SOX30: variants seen among roughly 807,000 people sequenced by gnomAD.
SOX30 encodes SRY-box transcription factor 30.
Under a neutral mutation model 58.6 loss-of-function variants are expected in SOX30, and 17 were observed. The ratio of observed to expected loss-of-function variants is 0.29; its 90% CI spans 0.20 to 0.44. The LOEUF is 0.44. Among genes scored for constraint, SOX30 ranks in the 20% least tolerant of loss-of-function variants. The pLI is 1.00. For missense variants in SOX30, 951 were observed against 965.8 expected (o/e 0.98, Z 0.20); for synonymous variants, 421 against 400.2 (o/e 1.05, Z -0.62).
At position 157,628,365 on chromosome 5, in the gene SOX30, T is replaced by TCACACACA. The variant is rs70984476; in HGVS notation, c.1881-1652_1881-1645dup. 3.5e-3 allele frequency among the ~76,000 whole-genome samples: 495 copies of TCACACACA among 139,704 alleles called. 2 individuals are homozygous for TCACACACA. Among genetic ancestry groups the TCACACACA allele is most frequent in the African/African-American group, 8.0e-3 (306 of 38,200 alleles). 91.7% of individuals were successfully genotyped at this position (139,704 alleles called of 152,430 possible). A position where few individuals can be genotyped will look rare whatever the true frequency, so the allele number is the denominator to read the frequency against. ...AAGTTAAGTGTTTCATTTCTGGCCT[T>TCACACACA]CACACACACACACACACACACACAC... is the stretch of plus-strand genomic sequence containing the variant. On this transcript the variant is annotated intron_variant, in intron 4 of 4. Coordinates refer to ENST00000265007, the MANE Select transcript of SOX30 (RefSeq NM_178424.2).
At position 157,651,512 on chromosome 5, in the gene SOX30, C is replaced by T. The variant is rs200766950; in HGVS notation, c.567G>A (p.Glu189=). 92 of 1,613,428 alleles carry T rather than the reference C, an allele frequency of 5.7e-5. No homozygotes were observed. Among genetic ancestry groups the T allele is most frequent in the Non-Finnish European group, 7.5e-5 (88 of 1,180,024 alleles). The part of the protein sequence containing the change: ...RGDEKGKLEA[E]EVMRDSMQGG... ...CTTGCATCGAGTCTCTCATGACCTC[C>T]TCCGCCTCCAGCTTGCCCTTCTCGT... Residue 189 remains glutamate (E), a synonymous_variant, in exon 1 of 5, where the codon GAG becomes GAA. Transcript: ENST00000265007.
At position 157,626,460 on chromosome 5, in the gene SOX30, C is replaced by T. The variant is rs1230385078; in HGVS notation, c.2142G>A (p.Leu714=). The T allele has an allele frequency of 1.9e-6, 3 of 1,614,174 alleles. No individual in the cohort carries two copies. The highest frequency in any genetic ancestry group is 2.2e-5 in the South Asian group (2 of 91,080). ...GEENLNPVPQ[L]DIGTLENVFT... is the part of the protein sequence containing the mutation. ...AGACATTCTCCAAGGTTCCAATGTC[C>T]AGCTGAGGCACAGGGTTTAAGTTTT... Residue 714 remains leucine, a synonymous_variant, in exon 5 of 5, where the codon CTG becomes CTA. Transcript: ENST00000265007.
chr5:157,647,971 G>GC (rs753622353), intron 2 of SOX30, among the ~76,000 whole-genome samples: 9 of 152,118 alleles, frequency 5.9e-5, no homozygotes, highest in Non-Finnish European at 1.2e-4. Context: ...TGGAACTATG[G>GC]CATTTGCAGC....
At position 157,645,496 on chromosome 5, in the gene SOX30, C is replaced by T. The variant is rs1467973038; in HGVS notation, c.1387+1141G>A. Among the ~76,000 whole-genome samples, 7 of 151,558 alleles carry T rather than the reference C, an allele frequency of 4.6e-5. No homozygotes were observed. In the East Asian group the frequency reaches 1.4e-3, roughly 29 times the overall value. On this transcript the variant is annotated intron_variant, in intron 3 of 4. Coordinates refer to ENST00000265007, the MANE Select transcript of SOX30 (RefSeq NM_178424.2). ...TGGGCAACATGGCAAAACCCCATCT[C>T]TAAAAAAATACAAAAATTAGCCAGG...
chr5:157,637,133 C>CAAAAAAAAAAAAAAAAAAAAAA, intron 4 of SOX30, among the ~76,000 whole-genome samples: 1 of 62,842 alleles, frequency 1.6e-5, no homozygotes, highest in Non-Finnish European at 3.3e-5. Context: ...AACTCCGCCT[C>CAAAAAAAAAAAAAAAAAAAAAA]AAAAAAAAAA....
chr5:157,661,012 G>T (rs1344597207), intron 2 of SOX30, among the ~76,000 whole-genome samples: 2 of 152,030 alleles, frequency 1.3e-5, no homozygotes, highest in Non-Finnish European at 2.9e-5. Context: ...GTACTGTCCT[G>T]TACTTCTTTC....
intron 2 of SOX30, among the ~76,000 whole-genome samples, chr5:157,658,518 G>C (rs919954143): frequency 4.0e-5 from 6 of 149,964 alleles, no homozygotes; most frequent in African/African-American, 1.2e-4. Context: ...GCACACTTAT[G>C]AATCTTCCAG....
rs767984317 is a variant in SOX30 at position 157,646,618 on chromosome 5, T to C, written c.1387+19A>G. On this transcript the variant is annotated intron_variant, in intron 3 of 4. Transcript: ENST00000265007. ...TGCAGCTATTTAAAAAATAGTAATC[T>C]ACAATAAAACTAACTCACCAACTGG... 5 of 1,563,804 alleles carry C rather than the reference T, an allele frequency of 3.2e-6. No individual in the cohort carries two copies. Among genetic ancestry groups the C allele is most frequent in the Non-Finnish European group, 4.3e-6 (5 of 1,153,682 alleles).
At chr5:157,633,713 T>C (rs931080316) in intron 4 of SOX30, among the ~76,000 whole-genome samples, 1 of 152,234 alleles carries the variant, frequency 6.6e-6, no homozygotes, top group Non-Finnish European at 1.5e-5. Flanking sequence ...CTTTGATTCA[T>C]TTGCCTAAAA....
chr5:157,647,668 C>G (rs1441046564), intron 2 of SOX30, among the ~76,000 whole-genome samples: 1 of 152,056 alleles, frequency 6.6e-6, no homozygotes, highest in Non-Finnish European at 1.5e-5. Context: ...CATTCTCCTG[C>G]CTGAGCCTCC....
At chr5:157,627,910 C>T (rs925677671) in intron 4 of SOX30, among the ~76,000 whole-genome samples, 10 of 151,788 alleles carry the variant, frequency 6.6e-5, no homozygotes, top group African/African-American at 1.9e-4. Flanking sequence ...AGGAGAATGG[C>T]GTGAACCCAG....
chr5:157,659,033 A>C (rs3923245), intron 2 of SOX30, among the ~76,000 whole-genome samples: 13,413 of 152,304 alleles, frequency 0.088, 754 homozygotes, highest in South Asian at 0.13. Flanking sequence ...TACAGATGCC[A>C]TGGCAACATC....
chr5:157,652,160 C>T lies in SOX30; in HGVS notation c.-82G>A. On this transcript the variant is annotated 5_prime_UTR_variant, in exon 1 of 5. Transcript: ENST00000265007. ...CCCCCTCCCCCTTTCGGTTAAGAGC[C>T]TTGCAAGGCCTTTGCTACCCAGAAC... 2.2e-6 allele frequency: 3 copies of T among 1,374,548 alleles called. No homozygotes were observed. The highest frequency in any genetic ancestry group is 2.8e-6 in the Non-Finnish European group (3 of 1,072,846). 85.1% of individuals were successfully genotyped at this position (1,374,548 alleles called of 1,614,324 possible). A position where few individuals can be genotyped will look rare whatever the true frequency, so the allele number is the denominator to read the frequency against.
intron 2 of SOX30, among the ~76,000 whole-genome samples, chr5:157,661,390 A>T (rs1056122958): frequency 6.6e-6 from 1 of 152,190 alleles, no homozygotes; most frequent in African/African-American, 2.4e-5. Flanking sequence ...TGAGATGATT[A>T]TATGGCTTTT....
At chr5:157,652,538 C>T (rs1393657500), upstream of SOX30, 4 of 216,268 alleles carry the variant, frequency 1.8e-5, no homozygotes, top group Non-Finnish European at 2.4e-5. Context: ...GCGCTCTGTG[C>T]GGCCTGAGTA....
intron 3 of SOX30, among the ~76,000 whole-genome samples, chr5:157,645,781 G>T (rs189866331): frequency 1.2e-4 from 19 of 152,270 alleles, no homozygotes; most frequent in African/African-American, 4.1e-4. Context: ...AGCAGTTTGG[G>T]AGGCCGGGGC....
intron 2 of SOX30, among the ~76,000 whole-genome samples, chr5:157,647,036 T>G (rs138012995): frequency 6.6e-6 from 1 of 151,800 alleles, no homozygotes; most frequent in Non-Finnish European, 1.5e-5. Flanking sequence ...ATGTTATAAC[T>G]CATCATTGAA....
intron 4 of SOX30, among the ~76,000 whole-genome samples, chr5:157,630,513 A>G (rs1758764321): frequency 6.6e-6 from 1 of 152,108 alleles, no homozygotes. Context: ...TTTTGTAAAG[A>G]CCGTATTCTT....
intron 2 of SOX30, among the ~76,000 whole-genome samples, chr5:157,648,241 T>C (rs1400546468): frequency 6.6e-6 from 1 of 152,222 alleles, no homozygotes; most frequent in African/African-American, 2.4e-5. Context: ...CAATCATATG[T>C]TAAAATGGAA....
Sources: gnomAD v4.1 joint callset for allele counts (sites outside exome capture counted in the v4.1 genomes callset) on GRCh38, gnomAD v4.1.1 for gene constraint, MANE v1.5 for transcripts, NCBI Gene and HGNC (gene_info 2026-07-23, HGNC 2026-07-21) for gene names.